The following CTTNBP2 variants were observed in gnomAD, a reference collection of about 807,000 sequenced individuals.
The protein encoded by CTTNBP2 is cortactin-binding protein 2.
In CTTNBP2, 108 loss-of-function variants were observed where a neutral mutation model predicts 156.9. The observed-to-expected ratio is 0.69, with a 90% CI of 0.59 to 0.81. CTTNBP2 has a LOEUF of 0.81. CTTNBP2 is among the 30% of genes least tolerant of loss of function. The pLI is 0.00. For synonymous variants in CTTNBP2, 767 were observed against 751.8 expected (o/e 1.02, Z -0.33); for missense variants, 1,924 against 2,035.4 (o/e 0.95, Z 1.05).
rs557246945 is a variant in CTTNBP2 at position 117,846,259 on chromosome 7, G to A, written c.189+14950C>T. Among the ~76,000 whole-genome samples the A allele has an allele frequency of 2.0e-4, 30 of 152,188 alleles. No homozygotes were observed. In the East Asian group the frequency reaches 5.2e-3, roughly 26 times the overall value. ...TGATTCTTCGACCATGTGAAATACTGTATAGTCAAGAAGGCTATGATTTAT... is the reference window on the plus strand; with the variant it reads ...TGATTCTTCGACCATGTGAAATACTATATAGTCAAGAAGGCTATGATTTAT... On this transcript the variant is annotated intron_variant, in intron 2 of 22. Coordinates refer to ENST00000160373, the MANE Select transcript of CTTNBP2 (RefSeq NM_033427.3).
chr7:117,783,654 G>A (rs1174107651), intron 5 of CTTNBP2, among the ~76,000 whole-genome samples: 2 of 152,118 alleles, frequency 1.3e-5, no homozygotes, highest in Admixed American at 6.5e-5. Flanking sequence ...TGAATTAATC[G>A]ACAATCATAT....
At chr7:117,728,053 A>G in intron 17 of CTTNBP2, 36 bp downstream of exon 17, 4 of 1,590,196 alleles carry the variant, frequency 2.5e-6, no homozygotes, top group Non-Finnish European at 3.4e-6. Context: ...CCACGTCTCT[A>G]TCATAAGCAG....
chr7:117,864,709 T>TATATATTC (rs1466409403), intron 1 of CTTNBP2, among the ~76,000 whole-genome samples: 3 of 144,788 alleles, frequency 2.1e-5, no homozygotes, highest in Admixed American at 6.9e-5. Flanking sequence ...CATATATTCA[T>TATATATTC]ATATATTCAT....
Position 117,735,357 on chromosome 7 carries a change from T to C in CTTNBP2, c.3600A>G (p.Leu1200=). The C allele has an allele frequency of 6.2e-7, 1 of 1,613,266 alleles. No homozygotes were observed. The highest frequency in any genetic ancestry group is 8.5e-7 in the Non-Finnish European group (1 of 1,179,208). Residue 1200 remains leucine (L), a synonymous_variant, in exon 15 of 23, where the codon TTA becomes TTG. Coordinates refer to ENST00000160373, the MANE Select transcript of CTTNBP2 (RefSeq NM_033427.3). The part of the protein sequence containing the change: ...KKKIIIILEN[L]EKSSLSELLR... Reference sequence around the variant, plus strand: ...ATAACTCCGACAGTGAAGATTTTTCTAAATTTTCTAAAATGATGATGATTT... The same window carrying C: ...ATAACTCCGACAGTGAAGATTTTTCCAAATTTTCTAAAATGATGATGATTT...
chr7:117,781,556 C>T (rs937746593), intron 6 of CTTNBP2, among the ~76,000 whole-genome samples: 7 of 152,156 alleles, frequency 4.6e-5, no homozygotes, highest in Admixed American at 2.0e-4. Flanking sequence ...CTGGCCAACA[C>T]GGTGAAACCC....
At chr7:117,855,958 T>C (rs1053385905) in intron 2 of CTTNBP2, among the ~76,000 whole-genome samples, 3 of 152,230 alleles carry the variant, frequency 2.0e-5, no homozygotes, top group Non-Finnish European at 4.4e-5. Context: ...TAGGTATTCA[T>C]CAAATCCTTA....
intron 2 of CTTNBP2, among the ~76,000 whole-genome samples, chr7:117,824,214 T>C (rs1801145718): frequency 6.6e-6 from 1 of 152,152 alleles, no homozygotes; most frequent in African/African-American, 2.4e-5. Context: ...CAATTCTTTT[T>C]CTTACCTTAA....
intron 2 of CTTNBP2, among the ~76,000 whole-genome samples, chr7:117,835,442 C>T (rs1315653008): frequency 6.6e-6 from 1 of 152,206 alleles, no homozygotes; most frequent in Non-Finnish European, 1.5e-5. Flanking sequence ...AGCCAAACTT[C>T]AGTCAACCAC....
intron 8 of CTTNBP2, among the ~76,000 whole-genome samples, chr7:117,768,578 A>AG: frequency 1.5e-5 from 2 of 131,400 alleles, no homozygotes; most frequent in African/African-American, 5.5e-5. Flanking sequence ...AAAAAAAAAA[A>AG]AAAAAAGAAA....
At chr7:117,734,803 T>C in intron 16 of CTTNBP2, 110 bp downstream of exon 16, 1 of 760,956 alleles carries the variant, frequency 1.3e-6, no homozygotes, top group South Asian at 2.9e-5. Flanking sequence ...GTCAAAAAGC[T>C]GTACCTGCCC....
chr7:117,757,528 T>TAAAAAA (rs56687697), intron 11 of CTTNBP2, among the ~76,000 whole-genome samples: 1 of 91,438 alleles, frequency 1.1e-5, no homozygotes, highest in African/African-American at 3.8e-5. Flanking sequence ...TTAAGCACAG[T>TAAAAAA]AAAAAAAAAA....
chr7:117,856,803 T>C (rs2117222880), intron 2 of CTTNBP2, among the ~76,000 whole-genome samples: 1 of 152,372 alleles, frequency 6.6e-6, no homozygotes. Flanking sequence ...CTGGGCACTG[T>C]AAAATGTAGG....
intron 2 of CTTNBP2, among the ~76,000 whole-genome samples, chr7:117,854,820 TATCACCC>T (rs1169844178): frequency 6.6e-6 from 1 of 152,208 alleles, no homozygotes; most frequent in Admixed American, 6.5e-5. Context: ...AGTCTCGCTC[TATCACCC>T]AGGCTGGAGT....
chr7:117,761,735 A>T (rs768042947), intron 9 of CTTNBP2, among the ~76,000 whole-genome samples: 1 of 152,224 alleles, frequency 6.6e-6, no homozygotes, highest in Non-Finnish European at 1.5e-5. Context: ...TAGAAATCAT[A>T]GATGATGCAT....
At chr7:117,744,903 G>A (rs1796238894) in intron 14 of CTTNBP2, among the ~76,000 whole-genome samples, 1 of 152,154 alleles carries the variant, frequency 6.6e-6, no homozygotes, top group South Asian at 2.1e-4. Flanking sequence ...CTGGCCACAA[G>A]ATATAGAAGC....
At chr7:117,771,800 C>A (rs989779546) in intron 8 of CTTNBP2, among the ~76,000 whole-genome samples, 4 of 152,124 alleles carry the variant, frequency 2.6e-5, no homozygotes, top group South Asian at 2.1e-4. Flanking sequence ...CAAACAGTTA[C>A]AATAAAGTAC....
At chr7:117,814,435 ATTTAT>A (rs1048499456) in intron 2 of CTTNBP2, among the ~76,000 whole-genome samples, 2 of 152,160 alleles carry the variant, frequency 1.3e-5, no homozygotes, top group Middle Eastern at 3.4e-3. Context: ...CTGCCTATTT[ATTTAT>A]TTTGAGATAG....
intron 5 of CTTNBP2, among the ~76,000 whole-genome samples, chr7:117,783,405 CT>C (rs1354262484): frequency 6.6e-6 from 1 of 152,160 alleles, no homozygotes; most frequent in African/African-American, 2.4e-5. Flanking sequence ...TTAATTTAAT[CT>C]TTAAACTGCT....
At chr7:117,742,629 G>C (rs1003843680) in intron 14 of CTTNBP2, among the ~76,000 whole-genome samples, 23 of 152,078 alleles carry the variant, frequency 1.5e-4, no homozygotes. Flanking sequence ...CATAAAGTAA[G>C]ATGGTGCTGA....
Sources: allele counts gnomAD v4.1 joint callset (sites outside exome capture counted in the v4.1 genomes callset), GRCh38; gene constraint gnomAD v4.1.1; transcripts MANE v1.5; gene names NCBI Gene and HGNC (gene_info 2026-07-23, HGNC 2026-07-21).